Variants in GALNT18 observed in about 807,000 individuals in gnomAD.
GALNT18 encodes polypeptide N-acetylgalactosaminyltransferase 18.
GALNT18 carries 44 observed loss-of-function variants against 69.5 expected under a neutral mutation model. The observed-to-expected ratio is 0.63, with a 90% CI of 0.50 to 0.81. GALNT18 has a LOEUF of 0.81. Among genes scored for constraint, GALNT18 ranks in the 40% least tolerant of loss-of-function variants. The probability of loss-of-function intolerance (pLI) is 0.00; values close to 1 mark genes in which losing one functional copy is unlikely to be tolerated. For missense variants in GALNT18, 715 were observed against 810.0 expected (o/e 0.88, Z 1.42); for synonymous variants, 364 against 318.2 (o/e 1.14, Z -1.53).
Position 11,490,759 on chromosome 11 carries a change from A to G in GALNT18, c.236-41823T>C, listed in dbSNP as rs144457268. On this transcript the variant is annotated intron_variant, in intron 1 of 10. Transcript: ENST00000227756. ...TCAGAAGGTCTGTCCTGGCAGATGT[A>G]ACCAAGAAGCCCTGTGCTGCATTTG... Among the ~76,000 whole-genome samples, 172 of 152,318 alleles carry G rather than the reference A, an allele frequency of 1.1e-3. 1 individual carries two copies. Among genetic ancestry groups the G allele is most frequent in the Non-Finnish European group, 1.5e-3 (101 of 68,028 alleles).
chr11:11,275,287 A>G (rs933072569), intron 10 of GALNT18, among the ~76,000 whole-genome samples: 2 of 152,170 alleles, frequency 1.3e-5, no homozygotes, highest in African/African-American at 4.8e-5. Context: ...GCATTTCTCT[A>G]ATGACCAGAG....
intron 10 of GALNT18, among the ~76,000 whole-genome samples, chr11:11,287,029 G>A (rs576451357): frequency 6.6e-6 from 1 of 152,216 alleles, no homozygotes; most frequent in South Asian, 2.1e-4. Flanking sequence ...CTCACCACCT[G>A]CCCAAGCCAT....
chr11:11,429,067 CTCTTTA>C (rs1474835417), intron 3 of GALNT18, among the ~76,000 whole-genome samples: 3 of 152,192 alleles, frequency 2.0e-5, no homozygotes, highest in African/African-American at 7.2e-5. Context: ...TCACTGCCTG[CTCTTTA>C]TCTTCATCTG....
At chr11:11,327,734 G>A (rs532482685) in intron 8 of GALNT18, among the ~76,000 whole-genome samples, 9 of 152,320 alleles carry the variant, frequency 5.9e-5, no homozygotes, top group African/African-American at 2.2e-4. Flanking sequence ...GGAGAAGAGA[G>A]CAGCATCTCT....
At chr11:11,556,544 T>TGGAGGTGA (rs1286809779) in intron 1 of GALNT18, among the ~76,000 whole-genome samples, 2 of 152,262 alleles carry the variant, frequency 1.3e-5, no homozygotes, top group East Asian at 3.8e-4. Flanking sequence ...AACTTCTCAC[T>TGGAGGTGA]GGCTCCAGTT....
rs1853943293 is a variant in GALNT18, at chr11:11,382,424, T to C, written c.596-3160A>G. Among the ~76,000 whole-genome samples the C allele has an allele frequency of 6.6e-6, 1 of 152,244 alleles. No individual in the cohort carries two copies. The highest frequency in any genetic ancestry group is 6.5e-5 in the Admixed American group (1 of 15,284). On this transcript the variant is annotated intron_variant, in intron 3 of 10. Transcript: ENST00000227756. This position sits in a 1 kb window ranked among gnomAD's most constrained non-coding sequence, Gnocchi z 4.3. The stretch of plus-strand genomic sequence containing the variant: ...AAATTGCTTTCCAAAACACTGTCCA[T>C]TGTATATTATATATATTGACTATTA...
chr11:11,283,933 C>T (rs543943866), intron 10 of GALNT18, among the ~76,000 whole-genome samples: 1 of 151,862 alleles, frequency 6.6e-6, no homozygotes, highest in Non-Finnish European at 1.5e-5. Context: ...GAGCCAGGTT[C>T]CCTTCTCCAA....
At chr11:11,416,370 A>C (rs966457899) in intron 3 of GALNT18, among the ~76,000 whole-genome samples, 1 of 152,174 alleles carries the variant, frequency 6.6e-6, no homozygotes, top group Non-Finnish European at 1.5e-5. Context: ...AGGATCCTTC[A>C]GTCAATTTCC....
In GALNT18 at chr11:11,277,296, T is replaced by C. The variant is rs191112536; in HGVS notation, c.1678-6006A>G. Among the ~76,000 whole-genome samples the C allele has an allele frequency of 2.9e-3, 446 of 152,324 alleles. 5 individuals are homozygous for C. The highest frequency in any genetic ancestry group is 1.0e-2 in the African/African-American group (415 of 41,566). On this transcript the variant is annotated intron_variant, in intron 10 of 10. Transcript: ENST00000227756. ...TCTTCTAGATTTTCTAGTTTTTTTG[T>C]GTAGAGGTGTTTACAGTATTCTGAT...
At chr11:11,351,953 A>G (rs529690687) in intron 6 of GALNT18, 1 of 1,593,188 alleles carries the variant, frequency 6.3e-7, no homozygotes, top group African/African-American at 1.3e-5. Flanking sequence ...GTTACTGCTG[A>G]GCGCCAGTGG....
At chr11:11,327,009 A>T in intron 9 of GALNT18, 77 bp downstream of exon 9, 1 of 1,083,270 alleles carries the variant, frequency 9.2e-7, no homozygotes, top group South Asian at 1.3e-5. Context: ...CTTCCCCATG[A>T]CAGAGCCTAG....
rs185449000 is a variant in GALNT18 at position 11,370,814 on chromosome 11, C to T, written c.1092+1701G>A. Among the ~76,000 whole-genome samples the T allele has an allele frequency of 3.8e-3, 575 of 152,320 alleles. 1 individual carries two copies. The highest frequency in any genetic ancestry group is 7.1e-3 in the Admixed American group (109 of 15,296). ...CACAAATCTAATTCCTTTCTCCATT[C>T]CTGCACATTTTTACCCAGAGAACAC... On this transcript the variant is annotated intron_variant, in intron 6 of 10. Transcript: ENST00000227756.
At position 11,439,675 on chromosome 11, in the gene GALNT18, A is replaced by G. The variant is rs4910001; in HGVS notation, c.429-6888T>C. ...TAATACTGGGTATGAAGTTCAGCAC[A>G]GAGTAGAAATTCAGAATGCACCTGG... On this transcript the variant is annotated intron_variant, in intron 2 of 10. Transcript: ENST00000227756. The surrounding 1 kb of genome is among the most constrained non-coding windows in gnomAD (Gnocchi z 4.4). Among the ~76,000 whole-genome samples, 19,371 of 152,298 alleles carry G rather than the reference A, an allele frequency of 0.13. 1,338 individuals are homozygous for G. Among genetic ancestry groups the G allele is most frequent in the Admixed American group, 0.21 (3,143 of 15,298 alleles).
chr11:11,484,593 C>CAAAAAAA (rs1159968814), intron 1 of GALNT18, among the ~76,000 whole-genome samples: 5 of 83,054 alleles, frequency 6.0e-5, no homozygotes, highest in Admixed American at 1.5e-4. Context: ...AACTCCATCT[C>CAAAAAAA]AAAAAAAAAA....
At chr11:11,418,807 G>C (rs965240594) in intron 3 of GALNT18, among the ~76,000 whole-genome samples, 1 of 152,206 alleles carries the variant, frequency 6.6e-6, no homozygotes, top group African/African-American at 2.4e-5. Context: ...TGGTCTCTAG[G>C]CATTGCCATG....
intron 1 of GALNT18, among the ~76,000 whole-genome samples, chr11:11,533,996 T>C (rs527732777): frequency 8.5e-5 from 13 of 152,352 alleles, no homozygotes; most frequent in African/African-American, 3.1e-4. Context: ...TGTGTTGCTA[T>C]GTGCCAGCAC....
chr11:11,509,984 G>A (rs752499785), intron 1 of GALNT18, among the ~76,000 whole-genome samples: 2 of 152,184 alleles, frequency 1.3e-5, no homozygotes, highest in African/African-American at 4.8e-5. Flanking sequence ...CTGAGGGCAG[G>A]ACCTTCCAGC....
chr11:11,593,669 C>G (rs1229315909), intron 1 of GALNT18, among the ~76,000 whole-genome samples: 1 of 152,112 alleles, frequency 6.6e-6, no homozygotes, highest in Admixed American at 6.5e-5. Flanking sequence ...TGGCTCATGC[C>G]CCTAACCCCA....
chr11:11,290,247 G>C (rs924605279), intron 10 of GALNT18, among the ~76,000 whole-genome samples: 1 of 152,160 alleles, frequency 6.6e-6, no homozygotes, highest in Non-Finnish European at 1.5e-5. Flanking sequence ...GAAGACCCCG[G>C]GGTCATGGAG....
Sources: gnomAD v4.1 joint callset for allele counts (sites outside exome capture counted in the v4.1 genomes callset) on GRCh38, gnomAD v4.1.1 for gene constraint, Gnocchi (gnomAD v3.1) non-coding constraint, MANE v1.5 for transcripts, NCBI Gene and HGNC (gene_info 2026-07-23, HGNC 2026-07-21) for gene names.